Variants in WWOX observed in about 807,000 individuals in gnomAD.
The protein encoded by WWOX is WW domain-containing oxidoreductase.
In WWOX, 69 loss-of-function variants were observed where a neutral mutation model predicts 46.2. That is an observed-to-expected ratio of 1.49 (90% CI 1.23 to 1.82). The LOEUF (loss-of-function observed/expected upper bound fraction) is 1.82, where lower values mean the gene tolerates loss of function less well. WWOX is among the 40% of genes most tolerant of loss of function. The pLI is 0.00. For missense variants in WWOX, 919 were observed against 542.6 expected (o/e 1.69, Z -6.89); for synonymous variants, 359 against 202.6 (o/e 1.77, Z -6.56).
chr16:78,155,918 C>G (rs559332830), intron 4 of WWOX, among the ~76,000 whole-genome samples: 3 of 152,268 alleles, frequency 2.0e-5, no homozygotes, highest in Admixed American at 6.5e-5. Flanking sequence ...ACTCCACACT[C>G]TAGAGATATG....
rs117065412 is a variant in WWOX at position 79,211,789 on chromosome 16, C to G, written c.1238C>G (p.Ser413Cys). The G allele has an allele frequency of 5.6e-6, 9 of 1,613,962 alleles. No homozygotes were observed. In the Admixed American group the frequency reaches 1.0e-4, roughly 18 times the overall value. The stretch of plus-strand genomic sequence containing the variant: ...ATCCAAGAACGGCTTGGCAGCCAGT[C>G]CGGCTAAGTGGAGCTCAGAGCGGAT... ...RLIQERLGSQ[S>C]G The change falls in exon 9 of 9, where the codon TCC becomes TGC. Residue 413 changes from serine (S) to cysteine (C), a missense_variant. Transcript: ENST00000566780.
Position 78,435,021 on chromosome 16 carries a change from G to T in WWOX, c.1056+2269G>T, listed in dbSNP as rs749371438. ...ATGCTTAATAAAGTCAGACTTGAAA[G>T]TTGGCTGGTTGGACCTAACGGGAGT... On this transcript the variant is annotated intron_variant, in intron 8 of 8. Coordinates refer to ENST00000566780, the MANE Select transcript of WWOX (RefSeq NM_016373.4). Among the ~76,000 whole-genome samples the T allele has an allele frequency of 5.9e-4, 90 of 152,196 alleles. 1 individual carries two copies. The highest frequency in any genetic ancestry group is 1.6e-4 in the Non-Finnish European group (11 of 68,040).
At chr16:78,693,351 A>G (rs1050507753) in intron 8 of WWOX, among the ~76,000 whole-genome samples, 1 of 152,140 alleles carries the variant, frequency 6.6e-6, no homozygotes, top group Admixed American at 6.6e-5. Flanking sequence ...TCAGTGTTCC[A>G]GTTAATTTTC....
chr16:78,727,915 C>G (rs906575774), intron 8 of WWOX, among the ~76,000 whole-genome samples: 1 of 152,040 alleles, frequency 6.6e-6, no homozygotes, highest in African/African-American at 2.4e-5. Context: ...ATTTGTTTAT[C>G]TGGGTCATTT....
intron 8 of WWOX, among the ~76,000 whole-genome samples, chr16:78,524,500 A>C (rs1202199334): frequency 6.6e-6 from 1 of 151,950 alleles, no homozygotes; most frequent in Non-Finnish European, 1.5e-5. Context: ...GGCTCACTGC[A>C]GCCTCTGCCT....
intron 8 of WWOX, among the ~76,000 whole-genome samples, chr16:78,567,274 G>A (rs1040617610): frequency 7.9e-5 from 12 of 152,060 alleles, no homozygotes; most frequent in Non-Finnish European, 1.3e-4. Flanking sequence ...GGTTGGGCGC[G>A]GTGGCTCACG....
chr16:79,120,424 C>G (rs184816401), intron 8 of WWOX, among the ~76,000 whole-genome samples: 2 of 152,166 alleles, frequency 1.3e-5, no homozygotes, highest in African/African-American at 2.4e-5. Flanking sequence ...CCACAGTACC[C>G]GAAGTTTAGG....
chr16:79,124,434 C>G (rs1404612682), intron 8 of WWOX, among the ~76,000 whole-genome samples: 3 of 152,082 alleles, frequency 2.0e-5, no homozygotes, highest in African/African-American at 7.2e-5. Context: ...GGTTCCTCAT[C>G]ATGATACGTT....
chr16:78,785,246 T>C (rs185681884), intron 8 of WWOX, among the ~76,000 whole-genome samples: 5 of 152,324 alleles, frequency 3.3e-5, no homozygotes, highest in Middle Eastern at 6.8e-3. Flanking sequence ...CTGCAGTAAT[T>C]CTCTTCCCAC....
chr16:78,830,969 A>T (rs1337144680), intron 8 of WWOX, among the ~76,000 whole-genome samples: 1 of 152,194 alleles, frequency 6.6e-6, no homozygotes, highest in Non-Finnish European at 1.5e-5. Flanking sequence ...GAGGATTTGG[A>T]AACCATGTTC....
intron 5 of WWOX, among the ~76,000 whole-genome samples, chr16:78,205,223 G>T (rs1370359643): frequency 6.6e-6 from 1 of 152,152 alleles, no homozygotes; most frequent in Non-Finnish European, 1.5e-5. Context: ...GGTCATGGAA[G>T]ACTTTGTGGA....
intron 8 of WWOX, among the ~76,000 whole-genome samples, chr16:78,643,638 A>AT (rs1403803980): frequency 3.3e-5 from 5 of 152,092 alleles, no homozygotes; most frequent in African/African-American, 1.2e-4. Context: ...TTCATGTATG[A>AT]TTTTTATATC....
intron 8 of WWOX, among the ~76,000 whole-genome samples, chr16:78,784,445 T>C (rs557980996): frequency 6.6e-6 from 1 of 152,106 alleles, no homozygotes; most frequent in South Asian, 2.1e-4. Flanking sequence ...GTGAGTGAAG[T>C]TCTTACCCAT....
At chr16:79,114,227 C>G (rs1268155735) in intron 8 of WWOX, among the ~76,000 whole-genome samples, 1 of 151,920 alleles carries the variant, frequency 6.6e-6, no homozygotes, top group East Asian at 1.9e-4. Flanking sequence ...ATCCTGTTAC[C>G]TGTGAATGTA....
intron 8 of WWOX, among the ~76,000 whole-genome samples, chr16:78,652,386 G>T (rs2046984889): frequency 7.0e-6 from 1 of 143,374 alleles, no homozygotes; most frequent in African/African-American, 2.7e-5. Context: ...TCCAGCCTGG[G>T]TGACAGAGCG....
In WWOX at chr16:78,278,614, C is replaced by G. The variant is rs763457379; in HGVS notation, c.517-108246C>G. On this transcript the variant is annotated intron_variant, in intron 5 of 8. Coordinates refer to ENST00000566780, the MANE Select transcript of WWOX (RefSeq NM_016373.4). ...TTTGTATCTTACAGAAAACAAAATA[C>G]CACCCTCCGCCAGAAAAGTGCAGAA... is the stretch of plus-strand genomic sequence containing the variant. The G allele has an allele frequency of 7.5e-6, 12 of 1,610,340 alleles. No homozygotes were observed. In the Admixed American group the frequency reaches 2.0e-4, roughly 27 times the overall value.
chr16:78,136,842 G>T (rs1303268391), intron 4 of WWOX, among the ~76,000 whole-genome samples: 1 of 151,832 alleles, frequency 6.6e-6, no homozygotes, highest in East Asian at 1.9e-4. Flanking sequence ...GAGCTGGTGG[G>T]CTTTCTAATC....
intron 8 of WWOX, among the ~76,000 whole-genome samples, chr16:79,152,723 A>G (rs557513384): frequency 2.7e-4 from 41 of 151,848 alleles, no homozygotes; most frequent in Non-Finnish European, 4.3e-4. Context: ...GCCCAAACAG[A>G]GTGGCCAGCA....
chr16:78,177,697 T>C (rs1261393659), intron 5 of WWOX, among the ~76,000 whole-genome samples: 1 of 152,192 alleles, frequency 6.6e-6, no homozygotes, highest in African/African-American at 2.4e-5. Context: ...CTCTAGGTCC[T>C]GGCAGCCATC....
Sources: allele counts gnomAD v4.1 joint callset (sites outside exome capture counted in the v4.1 genomes callset), GRCh38; gene constraint gnomAD v4.1.1; transcripts MANE v1.5; gene names NCBI Gene and HGNC (gene_info 2026-07-23, HGNC 2026-07-21).